SCAI: variants seen among roughly 807,000 people sequenced by gnomAD.
The protein encoded by SCAI is suppressor of cancer cell invasion, also known as protein SCAI.
A neutral mutation model predicts 92.2 loss-of-function variants in SCAI; 24 were observed. That is an observed-to-expected ratio of 0.26 (90% CI 0.19 to 0.37). SCAI has a LOEUF of 0.37. Ranked by LOEUF, SCAI falls within the 10% of genes least tolerant of loss-of-function variation. SCAI has a pLI of 1.00. For missense variants in SCAI, 450 were observed against 736.2 expected, an observed-to-expected ratio of 0.61 and a Z score of 4.50; for synonymous variants, 261 against 258.6, an observed-to-expected ratio of 1.01 and a Z score of -0.09.
intron 4 of SCAI, 101 bp downstream of exon 4, chr9:125,029,543 A>G (rs574261200): frequency 1.0e-5 from 6 of 582,540 alleles, no homozygotes; most frequent in African/African-American, 3.8e-5. Context: ...GTGAAAAAAA[A>G]GAAAAAGCAC....
chr9:124,994,828 T>C, intron 14 of SCAI, 106 bp downstream of exon 14: 1 of 644,900 alleles, frequency 1.6e-6, no homozygotes. Context: ...ACAAACTGTG[T>C]AAAATTAAAT....
chr9:125,044,170 CTT>C (rs1833388480), intron 3 of SCAI, among the ~76,000 whole-genome samples: 1 of 152,124 alleles, frequency 6.6e-6, no homozygotes, highest in African/African-American at 2.4e-5. Flanking sequence ...CCTCTCCAGA[CTT>C]TGGGTAATGA....
intron 1 of SCAI, among the ~76,000 whole-genome samples, chr9:125,143,086 AC>A (rs1046727556): frequency 1.0e-4 from 12 of 118,854 alleles, no homozygotes; most frequent in Non-Finnish European, 1.6e-4. Context: ...GGGCCCGGCG[AC>A]CCCCGCATTC....
intron 2 of SCAI, among the ~76,000 whole-genome samples, chr9:125,106,867 ATTTTTT>A (rs3051151): frequency 7.4e-6 from 1 of 135,656 alleles, no homozygotes; most frequent in Non-Finnish European, 1.6e-5. Context: ...TGCCTGGTTA[ATTTTTT>A]TTTTTTTTTT....
intron 9 of SCAI, among the ~76,000 whole-genome samples, chr9:125,014,521 G>C (rs574491918): frequency 1.2e-3 from 184 of 152,248 alleles, no homozygotes; most frequent in Admixed American, 3.2e-3. Context: ...ACTGCTCAAT[G>C]AAATAAAAGA....
intron 2 of SCAI, among the ~76,000 whole-genome samples, chr9:125,089,245 A>T (rs748583798): frequency 1.2e-4 from 18 of 152,194 alleles, no homozygotes; most frequent in Non-Finnish European, 2.1e-4. Flanking sequence ...AAATTTAATG[A>T]TTCAATAAAA....
chr9:124,961,999 C>A (rs1175827818), intron 17 of SCAI, among the ~76,000 whole-genome samples: 1 of 151,756 alleles, frequency 6.6e-6, no homozygotes, highest in African/African-American at 2.4e-5. Context: ...GCAGAAGCTG[C>A]TTCTCGTGTT....
intron 3 of SCAI, among the ~76,000 whole-genome samples, chr9:125,052,245 A>G (rs1298779455): frequency 6.6e-6 from 1 of 152,208 alleles, no homozygotes; most frequent in Non-Finnish European, 1.5e-5. Context: ...TAAAATTAAA[A>G]ACATTTGTGC....
intron 2 of SCAI, among the ~76,000 whole-genome samples, chr9:125,093,631 T>C (rs940757999): frequency 1.3e-5 from 2 of 150,982 alleles, no homozygotes; most frequent in South Asian, 4.2e-4. Context: ...AGCAGTGTGA[T>C]CTTGGCTCAC....
intron 2 of SCAI, among the ~76,000 whole-genome samples, chr9:125,125,023 C>A (rs1385447314): frequency 6.6e-6 from 1 of 151,938 alleles, no homozygotes; most frequent in Non-Finnish European, 1.5e-5. Flanking sequence ...GGGTTCCAGA[C>A]CAGCCTGGTC....
intron 3 of SCAI, among the ~76,000 whole-genome samples, chr9:125,039,812 T>C (rs1047509997): frequency 2.0e-5 from 3 of 152,208 alleles, no homozygotes; most frequent in East Asian, 1.9e-4. Flanking sequence ...ACTGTCCCAC[T>C]GGCCAAAGCA....
intron 2 of SCAI, among the ~76,000 whole-genome samples, chr9:125,089,761 G>C (rs1406827112): frequency 2.0e-5 from 3 of 152,066 alleles, no homozygotes; most frequent in African/African-American, 7.2e-5. Context: ...CTGGAATGTA[G>C]TGGCACAATC....
chr9:125,142,804 T>C, intron 1 of SCAI, 127 bp from the exon 2 acceptor site: 1 of 765,474 alleles, frequency 1.3e-6, no homozygotes. Context: ...AGCCCAGATC[T>C]GACCTTACAA....
At chr9:124,984,478 G>A (rs567794629) in intron 14 of SCAI, among the ~76,000 whole-genome samples, 2 of 152,134 alleles carry the variant, frequency 1.3e-5, no homozygotes, top group African/African-American at 4.8e-5. Context: ...TGATGATGGT[G>A]GTATGAGCCA....
intron 9 of SCAI, among the ~76,000 whole-genome samples, chr9:125,011,251 T>C (rs1832632559): frequency 6.6e-6 from 1 of 152,126 alleles, no homozygotes; most frequent in South Asian, 2.1e-4. Flanking sequence ...CAGGAGGAAA[T>C]TCAAACCAAA....
chr9:125,088,338 T>C (rs1195869134), intron 2 of SCAI, among the ~76,000 whole-genome samples: 3 of 152,076 alleles, frequency 2.0e-5, no homozygotes, highest in African/African-American at 7.2e-5. Context: ...TGATAGGAGG[T>C]GACTGGATCA....
intron 3 of SCAI, among the ~76,000 whole-genome samples, chr9:125,050,504 A>C (rs10819027): frequency 0.012 from 1,858 of 152,300 alleles, 95 homozygotes; most frequent in Admixed American, 0.083. Context: ...ACTTTAAGGA[A>C]GGCCTACAAA....
chr9:125,001,907 G>T, intron 12 of SCAI, 58 bp downstream of exon 12: 1 of 1,255,074 alleles, frequency 8.0e-7, no homozygotes, highest in Non-Finnish European at 1.2e-6. Context: ...CCATCGTCTT[G>T]TAGAAAATAA....
chr9:125,093,889 C>T (rs138778816), intron 2 of SCAI, among the ~76,000 whole-genome samples: 150 of 152,200 alleles, frequency 9.9e-4, no homozygotes, highest in Non-Finnish European at 1.9e-3. Flanking sequence ...TTAATCTACA[C>T]ACTGGACTTC....
Sources: gnomAD v4.1 joint callset for allele counts (sites outside exome capture counted in the v4.1 genomes callset) on GRCh38, gnomAD v4.1.1 for gene constraint, MANE v1.5 for transcripts, NCBI Gene and HGNC (gene_info 2026-07-23, HGNC 2026-07-21) for gene names.